The following GLIS3 variants were observed in gnomAD, a reference collection of about 807,000 sequenced individuals.
GLIS3 encodes zinc finger protein GLIS3.
A neutral mutation model predicts 78.6 loss-of-function variants in GLIS3; 53 were observed. That is an observed-to-expected ratio of 0.67 (90% CI 0.54 to 0.85). The LOEUF (loss-of-function observed/expected upper bound fraction) is 0.85, where lower values mean the gene tolerates loss of function less well. Ranked by LOEUF, GLIS3 falls within the 40% of genes least tolerant of loss-of-function variation. The pLI, the probability that GLIS3 is intolerant of heterozygous loss-of-function variation, is 0.00. For missense variants in GLIS3, 1,703 were observed against 1,231.1 expected, an observed-to-expected ratio of 1.38 and a Z score of -5.74; for synonymous variants, 684 against 509.9, an observed-to-expected ratio of 1.34 and a Z score of -4.60.
At chr9:4,356,379 C>T in the GLIS3 span, among the ~76,000 whole-genome samples, 14 of 152,086 alleles carry the variant, frequency 9.2e-5, no homozygotes, top group Admixed American at 6.6e-5. Flanking sequence ...CACAGGGATC[C>T]GACAAAGCAA....
intron 5 of GLIS3, among the ~76,000 whole-genome samples, chr9:3,933,181 CT>C (rs934917469): frequency 1.3e-3 from 189 of 144,446 alleles, no homozygotes; most frequent in Admixed American, 1.4e-3. Context: ...AGTCTAGCCT[CT>C]TTTTTTTTTT....
At chr9:4,138,340 T>C (rs1241134740) in intron 2 of GLIS3, among the ~76,000 whole-genome samples, 2 of 152,178 alleles carry the variant, frequency 1.3e-5, no homozygotes, top group African/African-American at 4.8e-5. Flanking sequence ...TAGCCCTTGG[T>C]CAAAGATCTT....
chr9:4,075,026 T>C (rs957390989), intron 4 of GLIS3, among the ~76,000 whole-genome samples: 3 of 152,102 alleles, frequency 2.0e-5, no homozygotes, highest in Non-Finnish European at 4.4e-5. Flanking sequence ...ACTCACCAAA[T>C]AAGTAGCTAC....
At chr9:4,345,009 C>A (rs1465861216) in intron 2 of GLIS3, among the ~76,000 whole-genome samples, 2 of 152,194 alleles carry the variant, frequency 1.3e-5, no homozygotes, top group Non-Finnish European at 2.9e-5. Flanking sequence ...CTCCAGCTTC[C>A]ACACCTTATG....
chr9:4,037,616 G>T (rs934468384), intron 4 of GLIS3, among the ~76,000 whole-genome samples: 1 of 149,402 alleles, frequency 6.7e-6, no homozygotes, highest in Non-Finnish European at 1.5e-5. Flanking sequence ...ACTTTCACAG[G>T]CTCAGGCATT....
intron 3 of GLIS3, among the ~76,000 whole-genome samples, chr9:4,120,047 A>C: frequency 6.6e-6 from 1 of 152,338 alleles, no homozygotes; most frequent in South Asian, 2.1e-4. Flanking sequence ...TTTCTACTGA[A>C]GTCTTTTTTA....
chr9:4,067,161 AT>A (rs34810075), intron 4 of GLIS3, among the ~76,000 whole-genome samples: 58,365 of 150,892 alleles, frequency 0.39, 12,042 homozygotes, highest in East Asian at 0.57. Context: ...ATCTTCTTTT[AT>A]TTTTTTTTAA....
chr9:4,237,504 G>A (rs1295961723), intron 2 of GLIS3, among the ~76,000 whole-genome samples: 2 of 152,214 alleles, frequency 1.3e-5, no homozygotes, highest in Non-Finnish European at 2.9e-5. Flanking sequence ...AGTCTACTGA[G>A]CCCTAGGGCA....
At chr9:4,353,376 C>T (rs1242517170), upstream of GLIS3, among the ~76,000 whole-genome samples, 1 of 152,100 alleles carries the variant, frequency 6.6e-6, no homozygotes, top group East Asian at 1.9e-4. Flanking sequence ...AGGCAGCTTT[C>T]TTTAAACTAT....
At chr9:4,389,941 G>C in the GLIS3 span, among the ~76,000 whole-genome samples, 34,591 of 152,182 alleles carry the variant, frequency 0.23, 4,455 homozygotes, top group East Asian at 0.36. Context: ...TAAAATGAGT[G>C]ACACATATAG....
At chr9:3,852,245 C>T (rs1819480985) in intron 9 of GLIS3, among the ~76,000 whole-genome samples, 1 of 152,042 alleles carries the variant, frequency 6.6e-6, no homozygotes, top group African/African-American at 2.4e-5. Flanking sequence ...ATTTTATATT[C>T]TTATTTGTCT....
At chr9:4,175,494 C>T (rs1816734163) in intron 2 of GLIS3, among the ~76,000 whole-genome samples, 2 of 149,036 alleles carry the variant, frequency 1.3e-5, no homozygotes. Flanking sequence ...ATAACTTTAA[C>T]TTTTATATAT....
At position 4,312,079 on chromosome 9, in the gene GLIS3, C is replaced by T. The variant is rs115741168; in HGVS notation, n.265-1551G>A. Among the ~76,000 whole-genome samples the T allele has an allele frequency of 3.7e-3, 558 of 152,230 alleles. 5 individuals are homozygous for T. Among genetic ancestry groups the T allele is most frequent in the African/African-American group, 0.013 (537 of 41,530 alleles). ...CACAAAACAATTTGTACAACAAACC[C>T]GCATGACATGAGTTTACCTGTATAA... On this transcript the variant is annotated intron_variant and non_coding_transcript_variant, in intron 2 of 4. Coordinates refer to the GLIS3 transcript ENST00000471664.
At chr9:4,061,396 TC>T (rs2130563570) in intron 4 of GLIS3, among the ~76,000 whole-genome samples, 1 of 152,208 alleles carries the variant, frequency 6.6e-6, no homozygotes, top group Admixed American at 6.5e-5. Flanking sequence ...CATGAACTCA[TC>T]CTTTTTTATG....
At chr9:4,292,645 T>G (rs560658249) in intron 1 of GLIS3, among the ~76,000 whole-genome samples, 6 of 152,188 alleles carry the variant, frequency 3.9e-5, no homozygotes, top group Non-Finnish European at 7.4e-5. Context: ...CACTGTGCAG[T>G]AAGTATCAAT....
chr9:4,115,273 C>G (rs1311980926), intron 4 of GLIS3, among the ~76,000 whole-genome samples: 1 of 152,106 alleles, frequency 6.6e-6, no homozygotes, highest in East Asian at 1.9e-4. Context: ...TGGCCCGGCT[C>G]TTATCATTTA....
intron 4 of GLIS3, among the ~76,000 whole-genome samples, chr9:4,090,470 T>A (rs865810182): frequency 1.2e-4 from 18 of 150,714 alleles, no homozygotes; most frequent in African/African-American, 3.9e-4. Flanking sequence ...AAAAAAAAAA[T>A]TAATGAGGCT....
Position 4,244,761 on chromosome 9 carries a change from G to C in GLIS3, c.388+41277C>G, listed in dbSNP as rs140895888. Among the ~76,000 whole-genome samples, 1,328 of 152,102 alleles carry C rather than the reference G, an allele frequency of 8.7e-3. 21 individuals are homozygous for C. Among genetic ancestry groups the C allele is most frequent in the African/African-American group, 0.029 (1,220 of 41,492 alleles). On this transcript the variant is annotated intron_variant, in intron 2 of 10. Transcript: ENST00000381971. ...AGCTAATTTTTGTATTTTTAGTAGA[G>C]ATAGGGTTTCAACCATGCTGGCCAG...
chr9:3,856,220 A>G (rs1356618272), intron 8 of GLIS3, 36 bp from the exon 9 acceptor site: 1 of 1,582,588 alleles, frequency 6.3e-7, no homozygotes, highest in Non-Finnish European at 8.6e-7. Context: ...CATGAGGGAC[A>G]TAAAACAGCA....
Sources: gnomAD v4.1 joint callset for allele counts (sites outside exome capture counted in the v4.1 genomes callset) on GRCh38, gnomAD v4.1.1 for gene constraint, MANE v1.5 for transcripts, NCBI Gene and HGNC (gene_info 2026-07-23, HGNC 2026-07-21) for gene names.